Variants in ZMIZ1 observed in about 807,000 individuals in gnomAD.
ZMIZ1 encodes the protein zinc finger MIZ-type containing 1.
ZMIZ1 carries 17 observed loss-of-function variants against 113.9 expected under a neutral mutation model. That is an observed-to-expected ratio of 0.15 (90% CI 0.10 to 0.22). The LOEUF (loss-of-function observed/expected upper bound fraction) is 0.22. Ranked by LOEUF, ZMIZ1 falls within the 10% of genes least tolerant of loss-of-function variation. ZMIZ1 has a pLI of 1.00. For synonymous variants in ZMIZ1, 607 were observed against 603.1 expected (o/e 1.01, Z -0.09); for missense variants, 1,059 against 1,477.8 (o/e 0.72, Z 4.65).
intron 3 of ZMIZ1, among the ~76,000 whole-genome samples, chr10:79,146,796 C>A (rs1845505005): frequency 6.6e-6 from 1 of 152,236 alleles, no homozygotes. Context: ...CAGCAAACCC[C>A]TGGCACATCC....
At chr10:79,252,383 T>A (rs772133636) in intron 7 of ZMIZ1, among the ~76,000 whole-genome samples, 7 of 151,970 alleles carry the variant, frequency 4.6e-5, no homozygotes, top group Admixed American at 6.6e-5. Flanking sequence ...TCCCCTGGGG[T>A]TTCTTCCCAG....
intron 1 of ZMIZ1, among the ~76,000 whole-genome samples, chr10:79,076,692 G>A (rs1842486266): frequency 1.3e-5 from 2 of 152,092 alleles, no homozygotes; most frequent in East Asian, 1.9e-4. Context: ...AAATTATCTC[G>A]GCATGATGGT....
At chr10:79,101,286 CTGAG>C (rs1374894664) in intron 1 of ZMIZ1, among the ~76,000 whole-genome samples, 4 of 152,084 alleles carry the variant, frequency 2.6e-5, no homozygotes, top group Non-Finnish European at 5.9e-5. Flanking sequence ...AAGGGGGCAA[CTGAG>C]TAAGTCCTCT....
chr10:79,261,280 C>T (rs1194943052), intron 7 of ZMIZ1, among the ~76,000 whole-genome samples: 1 of 152,248 alleles, frequency 6.6e-6, no homozygotes, highest in African/African-American at 2.4e-5. Flanking sequence ...TCACCCAGCT[C>T]CAATGCCCCT....
chr10:79,251,916 G>A (rs1250602), intron 7 of ZMIZ1, among the ~76,000 whole-genome samples: 10,652 of 152,244 alleles, frequency 0.07, 443 homozygotes, highest in African/African-American at 0.087. Context: ...TAGAACCATG[G>A]CAGCCTTGAC....
intron 3 of ZMIZ1, among the ~76,000 whole-genome samples, chr10:79,157,368 GGTGTGT>G (rs10573955): frequency 0.014 from 2,109 of 147,474 alleles, 27 homozygotes; most frequent in African/African-American, 0.031. Flanking sequence ...AGGCATAAGG[GGTGTGT>G]GTGTGTGTGT....
At chr10:79,112,428 A>G (rs1589284405) in intron 1 of ZMIZ1, among the ~76,000 whole-genome samples, 1 of 152,166 alleles carries the variant, frequency 6.6e-6, no homozygotes, top group African/African-American at 2.4e-5. Context: ...CGGCTCCATC[A>G]CCGAAAGTCC....
rs969674853 is a variant in ZMIZ1, at chr10:79,264,082, G to A, written c.281-13099G>A. On this transcript the variant is annotated intron_variant, in intron 7 of 24. Transcript: ENST00000334512. ...ATTACATGCGGAATGGAAAGCAGGC[G>A]CTCAGGGTGGCTCCTGCTGGAATGA... Among the ~76,000 whole-genome samples, 21 of 152,324 alleles carry A rather than the reference G, an allele frequency of 1.4e-4. No homozygotes were observed. The East Asian group carries it at 2.1e-3, about 15-fold the overall frequency.
intron 7 of ZMIZ1, among the ~76,000 whole-genome samples, chr10:79,271,426 T>C (rs1458335439): frequency 6.6e-6 from 1 of 152,120 alleles, no homozygotes; most frequent in Non-Finnish European, 1.5e-5. Context: ...TGCAGGAAGG[T>C]TAAGTCACTT....
chr10:79,088,313 C>T (rs888264680), intron 1 of ZMIZ1, among the ~76,000 whole-genome samples: 6 of 152,102 alleles, frequency 3.9e-5, no homozygotes, highest in Non-Finnish European at 7.4e-5. Flanking sequence ...GGCCAGGCCA[C>T]AAGGCTTCTT....
At position 79,189,121 on chromosome 10, in the gene ZMIZ1, CT is replaced by C. The variant is rs549574589; in HGVS notation, c.-49-12462del. Among the ~76,000 whole-genome samples the C allele has an allele frequency of 9.2e-5, 14 of 152,322 alleles. No homozygotes were observed. In the East Asian group the frequency reaches 1.4e-3, roughly 15 times the overall value. On this transcript the variant is annotated intron_variant, in intron 4 of 24. Transcript: ENST00000334512. ...CTGGAGGAGCTCACTTGTCCGAAAG[CT>C]CCTTCCCTAATCCATCCTTCCCTCT...
At chr10:79,218,584 G>GGTGTGTGTGTGTGTGTGTGTGTGTGT (rs55736085) in intron 7 of ZMIZ1, among the ~76,000 whole-genome samples, 7 of 147,898 alleles carry the variant, frequency 4.7e-5, no homozygotes, top group African/African-American at 1.8e-4. Flanking sequence ...TAATTAGAGG[G>GGTGTGTGTGTGTGTGTGTGTGTGTGT]GTGTGTGTGT....
intron 7 of ZMIZ1, among the ~76,000 whole-genome samples, chr10:79,254,197 CA>C (rs1369908832): frequency 6.6e-6 from 1 of 152,224 alleles, no homozygotes; most frequent in Non-Finnish European, 1.5e-5. Context: ...ATTAGGCAGC[CA>C]GGGGCGCCCC....
intron 7 of ZMIZ1, among the ~76,000 whole-genome samples, chr10:79,238,513 G>A (rs890671057): frequency 1.3e-5 from 2 of 152,190 alleles, no homozygotes; most frequent in Non-Finnish European, 2.9e-5. Context: ...ATGCATAGAT[G>A]CTAAACTCTA....
At chr10:79,070,684 G>A (rs1391983066) in intron 1 of ZMIZ1, among the ~76,000 whole-genome samples, 1 of 152,064 alleles carries the variant, frequency 6.6e-6, no homozygotes, top group African/African-American at 2.4e-5. Flanking sequence ...TCCCAGGTGG[G>A]CCAAGGGTGC....
chr10:79,186,155 G>T (rs1847344070), intron 4 of ZMIZ1, among the ~76,000 whole-genome samples: 2 of 152,114 alleles, frequency 1.3e-5, no homozygotes, highest in African/African-American at 4.8e-5. Context: ...ACGCCCTTTG[G>T]GCCTGGGTCT....
At chr10:79,203,321 T>A (rs1848178260) in intron 5 of ZMIZ1, among the ~76,000 whole-genome samples, 1 of 152,254 alleles carries the variant, frequency 6.6e-6, no homozygotes, top group African/African-American at 2.4e-5. Flanking sequence ...GGAGAGGAAA[T>A]TGAAGAAGGC....
chr10:79,121,472 A>G (rs1844290462), intron 2 of ZMIZ1, among the ~76,000 whole-genome samples: 1 of 152,246 alleles, frequency 6.6e-6, no homozygotes, highest in African/African-American at 2.4e-5. Context: ...ATAGAAAGAT[A>G]GGCTATTCTC....
rs1392940464 is a variant in ZMIZ1, at chr10:79,185,012, G to A, written c.-49-16572G>A. ...CACAAGTGCAGGCAGGAGAGACGGG[G>A]ACCAGAGCCCATATTTTTGCAGAGC... On this transcript the variant is annotated intron_variant, in intron 4 of 24. Transcript: ENST00000334512. 2.6e-5 allele frequency among the ~76,000 whole-genome samples: 4 copies of A among 152,290 alleles called. No individual in the cohort carries two copies. In the East Asian group the frequency reaches 7.7e-4, roughly 29 times the overall value.
Sources: allele counts gnomAD v4.1 joint callset (sites outside exome capture counted in the v4.1 genomes callset), GRCh38; gene constraint gnomAD v4.1.1; transcripts MANE v1.5; gene names NCBI Gene and HGNC (gene_info 2026-07-23, HGNC 2026-07-21).